BPTF: variants seen among roughly 807,000 people sequenced by gnomAD.
BPTF encodes nucleosome-remodeling factor subunit BPTF.
BPTF carries 18 observed loss-of-function variants against 292.5 expected under a neutral mutation model. The ratio of observed to expected loss-of-function variants is 0.06; its 90% CI spans 0.04 to 0.09. The LOEUF is 0.09. Among genes scored for constraint, BPTF ranks in the 10% least tolerant of loss-of-function variants. The pLI is 1.00. For missense variants in BPTF, 2,726 were observed against 3,498.7 expected, an observed-to-expected ratio of 0.78 and a Z score of 5.57; for synonymous variants, 1,225 against 1,251.9, an observed-to-expected ratio of 0.98 and a Z score of 0.45.
chr17:67,947,886 C>T, intron 22 of BPTF, 78 bp downstream of exon 22: 1 of 1,379,348 alleles, frequency 7.2e-7, no homozygotes, highest in Non-Finnish European at 9.9e-7. Flanking sequence ...TGAGTTTATA[C>T]TTGTTTATCT....
Position 67,825,720 on chromosome 17 carries a change from C to A in BPTF, c.-5C>A. 24 of 1,046,968 alleles carry A rather than the reference C, an allele frequency of 2.3e-5. No homozygotes were observed. The highest frequency in any genetic ancestry group is 2.6e-5 in the Non-Finnish European group (23 of 869,938). The allele number at this position is 1,046,968 out of a possible 1,614,324, so 64.9% of individuals were successfully genotyped here. ...CTTTCCTTCTCCCCCCGCCTCGGCT[C>A]CGACATGAGGGGCCGGCGGGGCAGG... On this transcript the variant is annotated 5_prime_UTR_variant, in exon 1 of 28. Coordinates refer to ENST00000306378, the MANE Select transcript of BPTF (RefSeq NM_182641.4).
intron 11 of BPTF, among the ~76,000 whole-genome samples, chr17:67,918,159 C>G (rs2063179562): frequency 6.6e-6 from 1 of 151,106 alleles, no homozygotes; most frequent in African/African-American, 2.4e-5. Context: ...TGGTGTCGAA[C>G]TCCTGACCTC....
rs2067306714 is a variant in BPTF at position 67,959,874 on chromosome 17, A to C, written c.8260A>C (p.Lys2754Gln). 1 of 1,544,834 alleles carries C rather than the reference A, an allele frequency of 6.5e-7. No homozygotes were observed. The highest frequency in any genetic ancestry group is 1.4e-5 in the African/African-American group (1 of 72,296). ...CICKTPYDES[K>Q]FYIGCDRCQN... is the part of the protein sequence containing the mutation. ...CTGTAAAACGCCTTATGATGAATCT[A>C]AGTGAGTAGATCTTTTTGAGCTCTA... The change falls in exon 24 of 28, where the codon AAA (lysine) becomes CAA (glutamine). Residue 2754 changes from lysine to glutamine, a missense_variant and splice_region_variant. By Grantham distance (53) the Lys-to-Gln change is moderately conservative. Coordinates refer to ENST00000306378, the MANE Select transcript of BPTF (RefSeq NM_182641.4).
At chr17:67,856,880 A>G (rs1598276179) in intron 2 of BPTF, among the ~76,000 whole-genome samples, 1 of 152,028 alleles carries the variant, frequency 6.6e-6, no homozygotes, top group African/African-American at 2.4e-5. Context: ...ACCTCAGTTT[A>G]CCTCCTCTAG....
intron 2 of BPTF, among the ~76,000 whole-genome samples, chr17:67,865,185 T>G (rs574906666): frequency 6.6e-6 from 1 of 152,256 alleles, no homozygotes; most frequent in African/African-American, 2.4e-5. Context: ...CTCAAAAACT[T>G]TTGGATCTTG....
chr17:67,825,894 A>G lies in BPTF; in HGVS notation c.170A>G (p.Glu57Gly). The change falls in exon 1 of 28, where the codon GAG becomes GGG. Residue 57 changes from glutamate (E) to glycine (G), a missense_variant. Around this residue, in one of 22 missense-constraint regions of BPTF, gnomAD observed 103 missense variants for 72.1 expected, o/e 1.43. Coordinates refer to ENST00000306378, the MANE Select transcript of BPTF (RefSeq NM_182641.4). ...SRGRWAAAQA[E>G]VAPKTRLSSP... Reference sequence around the variant, plus strand: ...GGCAGGTGGGCCGCCGCCCAGGCTGAGGTGGCGCCCAAGACGCGGCTGAGC... The same window carrying G: ...GGCAGGTGGGCCGCCGCCCAGGCTGGGGTGGCGCCCAAGACGCGGCTGAGC... 2.0e-6 allele frequency: 2 copies of G among 1,013,554 alleles called. No individual in the cohort carries two copies. The highest frequency in any genetic ancestry group is 1.2e-6 in the Non-Finnish European group (1 of 850,252). 62.8% of individuals were successfully genotyped at this position (1,013,554 alleles called of 1,614,324 possible). A position where few individuals can be genotyped will look rare whatever the true frequency, so the allele number is the denominator to read the frequency against.
rs781888474 is a variant in BPTF, at chr17:67,944,211, A to G, written c.6539A>G (p.Gln2180Arg). Residue 2180 changes from glutamine (Q) to arginine (R), a missense_variant, in exon 20 of 28, where the codon CAG becomes CGG. Physicochemically the swap from Gln to Arg is conservative, Grantham distance 43. This residue lies in a region of BPTF where 570 missense variants were observed against 633.5 expected (regional missense o/e 0.90). Coordinates refer to ENST00000306378, the MANE Select transcript of BPTF (RefSeq NM_182641.4). ...QGQGQTTGQLQLIPQGVTVLP... is the reference protein window; with the variant it reads ...QGQGQTTGQLRLIPQGVTVLP... Reference sequence around the variant, plus strand: ...CAAGGTCAAACTACTGGACAGTTGCAGTTGATACCTCAAGGGGTGACTGTA... The same window carrying G: ...CAAGGTCAAACTACTGGACAGTTGCGGTTGATACCTCAAGGGGTGACTGTA... 2 of 1,614,222 alleles carry G rather than the reference A, an allele frequency of 1.2e-6. No homozygotes were observed. The highest frequency in any genetic ancestry group is 2.2e-5 in the East Asian group (1 of 44,884).
At chr17:67,896,195 C>T (rs891634660) in intron 7 of BPTF, among the ~76,000 whole-genome samples, 4 of 151,972 alleles carry the variant, frequency 2.6e-5, no homozygotes, top group Admixed American at 2.6e-4. Flanking sequence ...ATCTCCTGAC[C>T]TTGTGATCCG....
chr17:67,951,911 T>C (rs1287319426), intron 23 of BPTF, among the ~76,000 whole-genome samples: 1 of 151,650 alleles, frequency 6.6e-6, no homozygotes, highest in Non-Finnish European at 1.5e-5. Flanking sequence ...AAAAATTAGC[T>C]GGGCATGGTG....
chr17:67,973,060 ATATATAAATATATATAT>A (rs2068963959), intron 26 of BPTF, among the ~76,000 whole-genome samples: 1 of 144,502 alleles, frequency 6.9e-6, no homozygotes, highest in African/African-American at 2.5e-5. Flanking sequence ...TATTTTATAT[ATATATAAATATATATAT>A]AATATATATA....
intron 9 of BPTF, among the ~76,000 whole-genome samples, chr17:67,905,518 G>A (rs1387477282): frequency 6.6e-6 from 1 of 152,072 alleles, no homozygotes; most frequent in Non-Finnish European, 1.5e-5. Context: ...GCCAGCCTGG[G>A]CAACATAGCA....
Position 67,959,588 on chromosome 17 carries a change from G to T in BPTF, c.7974G>T (p.Met2658Ile), listed in dbSNP as rs782461196. ...DLKIKKEKDLMQLAQATAVAA... is the reference protein window; with the variant it reads ...DLKIKKEKDLIQLAQATAVAA... ...AAATTAAGAAAGAAAAAGACCTGAT[G>T]CAGTTGGCTCAGGCCACAGCAGTAG... The change falls in exon 24 of 28, where the codon ATG becomes ATT. Residue 2658 changes from methionine (M) to isoleucine (I), a missense_variant. Transcript: ENST00000306378. The T allele has an allele frequency of 3.2e-6, 5 of 1,545,090 alleles. No homozygotes were observed. In the South Asian group the frequency reaches 6.3e-5, roughly 20 times the overall value.
At chr17:67,923,694 G>A (rs1156277014) in intron 14 of BPTF, among the ~76,000 whole-genome samples, 1 of 150,626 alleles carries the variant, frequency 6.6e-6, no homozygotes, top group Non-Finnish European at 1.5e-5. Context: ...TGGCCAGGCT[G>A]GTCTCGAACT....
In BPTF at chr17:67,911,545, G is replaced by C. The variant is rs185918963; in HGVS notation, c.3661G>C (p.Ala1221Pro). 5.0e-6 allele frequency: 8 copies of C among 1,614,004 alleles called. No individual in the cohort carries two copies. Among genetic ancestry groups the C allele is most frequent in the Non-Finnish European group, 8.5e-7 (1 of 1,180,008 alleles). ...TTTTTTCATCGATGACTCTAAACTA[G>C]CCAGTGCAGATGATATTGGTACTTT... The part of the protein sequence containing the change: ...NDFFIDDSKL[A>P]SADDIGTLIC... The change falls in exon 11 of 28, where the codon GCC (alanine) becomes CCC (proline). Residue 1221 changes from alanine to proline, a missense_variant. Around this residue, in one of 22 missense-constraint regions of BPTF, gnomAD observed 713 missense variants for 714.9 expected, o/e 1.00. Coordinates refer to ENST00000306378, the MANE Select transcript of BPTF (RefSeq NM_182641.4).
intron 26 of BPTF, among the ~76,000 whole-genome samples, chr17:67,972,190 T>C (rs1319475144): frequency 6.6e-6 from 1 of 152,166 alleles, no homozygotes; most frequent in Non-Finnish European, 1.5e-5. Context: ...TATTTTTCTC[T>C]CGAGATATTT....
At chr17:67,828,976 G>T (rs998316399) in intron 1 of BPTF, among the ~76,000 whole-genome samples, 1 of 152,210 alleles carries the variant, frequency 6.6e-6, no homozygotes, top group Non-Finnish European at 1.5e-5. Context: ...TCAAAGATTG[G>T]TTGGATAAAT....
At chr17:67,939,925 G>T (rs2065233411) in intron 18 of BPTF, among the ~76,000 whole-genome samples, 1 of 152,198 alleles carries the variant, frequency 6.6e-6, no homozygotes, top group East Asian at 1.9e-4. Flanking sequence ...TAGTATTGAG[G>T]ATATAGTGGT....
At position 67,911,652 on chromosome 17, in the gene BPTF, A is replaced by C. The variant is rs372545332; in HGVS notation, c.3768A>C (p.Ser1256=). ...CTTCCAAGAGTGCTTTACATTCATC[A>C]GTGCCTAAAAGTACCAATGACAGAG... is the stretch of plus-strand genomic sequence containing the variant. ...VSSSKSALHS[S]VPKSTNDRDA... Residue 1256 remains serine (S), a synonymous_variant, in exon 11 of 28, where the codon TCA becomes TCC. Coordinates refer to ENST00000306378, the MANE Select transcript of BPTF (RefSeq NM_182641.4). The C allele has an allele frequency of 2.4e-5, 38 of 1,614,102 alleles. No homozygotes were observed. Among genetic ancestry groups the C allele is most frequent in the Non-Finnish European group, 3.1e-5 (36 of 1,180,036 alleles).
intron 25 of BPTF, chr17:67,965,828 A>T (rs1318371332): frequency 6.6e-6 from 1 of 152,220 alleles, no homozygotes; most frequent in East Asian, 1.9e-4. Context: ...AGGCCAGGGC[A>T]GGAGGATCAC....
Sources: allele counts gnomAD v4.1 joint callset (sites outside exome capture counted in the v4.1 genomes callset), GRCh38; gene constraint gnomAD v4.1.1; regional missense constraint gnomAD v4.1.1; transcripts MANE v1.5; gene names NCBI Gene and HGNC (gene_info 2026-07-23, HGNC 2026-07-21).